Variants in GALNT13 observed in about 807,000 individuals in gnomAD.
GALNT13 encodes UDP-GalNAc:polypeptide N-acetylgalactosaminyltransferase 13.
In GALNT13, 28 loss-of-function variants were observed where a neutral mutation model predicts 64.2. The observed-to-expected ratio is 0.44, with a 90% CI of 0.32 to 0.60. GALNT13 has a LOEUF of 0.60. Among genes scored for constraint, GALNT13 ranks in the 20% least tolerant of loss-of-function variants. GALNT13 has a pLI of 0.05. For missense variants in GALNT13, 577 were observed against 669.8 expected, an observed-to-expected ratio of 0.86 and a Z score of 1.53; for synonymous variants, 214 against 224.6, an observed-to-expected ratio of 0.95 and a Z score of 0.42.
intron 8 of GALNT13, among the ~76,000 whole-genome samples, chr2:154,298,982 A>G (rs573617622): frequency 3.9e-4 from 56 of 144,442 alleles, no homozygotes; most frequent in Admixed American, 7.1e-4. Flanking sequence ...AAATTACATA[A>G]TTCATAATTC....
chr2:154,363,703 T>C (rs781126877), intron 9 of GALNT13, among the ~76,000 whole-genome samples: 1 of 152,210 alleles, frequency 6.6e-6, no homozygotes, highest in Non-Finnish European at 1.5e-5. Flanking sequence ...ATATAAAAGA[T>C]AAAGACTGGA....
At chr2:154,354,082 C>G (rs1696572740) in intron 9 of GALNT13, among the ~76,000 whole-genome samples, 1 of 152,146 alleles carries the variant, frequency 6.6e-6, no homozygotes, top group Admixed American at 6.5e-5. Flanking sequence ...TATCACTTGT[C>G]TCATTGATAA....
chr2:154,111,013 AAAATG>A (rs1202690700), intron 3 of GALNT13, among the ~76,000 whole-genome samples: 24 of 152,228 alleles, frequency 1.6e-4, no homozygotes, highest in African/African-American at 5.3e-4. Flanking sequence ...AAGGAGAAAG[AAAATG>A]AAATGAAGAT....
chr2:153,791,527 C>T, the GALNT13 span, among the ~76,000 whole-genome samples: 1 of 152,102 alleles, frequency 6.6e-6, no homozygotes, highest in African/African-American at 2.4e-5. Context: ...GGCAATCCCT[C>T]AAAGAGTTAA....
chr2:153,128,760 A>T, the GALNT13 span, among the ~76,000 whole-genome samples: 2 of 152,176 alleles, frequency 1.3e-5, no homozygotes, highest in Non-Finnish European at 2.9e-5. Flanking sequence ...AATTGGACTT[A>T]CAGTGCCACG....
chr2:153,913,149 G>A, intron 2 of GALNT13, among the ~76,000 whole-genome samples: 1 of 152,182 alleles, frequency 6.6e-6, no homozygotes, highest in Non-Finnish European at 1.5e-5. Context: ...GGCTGCCTAG[G>A]TTGTGGGCAA....
At chr2:154,108,419 C>T (rs140549655) in intron 3 of GALNT13, among the ~76,000 whole-genome samples, 1 of 151,996 alleles carries the variant, frequency 6.6e-6, no homozygotes, top group African/African-American at 2.4e-5. Context: ...TGTGAGATGT[C>T]AATTCAACTT....
the GALNT13 span, among the ~76,000 whole-genome samples, chr2:153,723,477 T>C: frequency 6.8e-6 from 1 of 147,834 alleles, no homozygotes; most frequent in Non-Finnish European, 1.5e-5. Context: ...GAGAAGGAAA[T>C]AAAGGGTATT....
chr2:154,303,499 A>G (rs1693562730), intron 9 of GALNT13, among the ~76,000 whole-genome samples: 1 of 152,154 alleles, frequency 6.6e-6, no homozygotes, highest in African/African-American at 2.4e-5. Flanking sequence ...GCTAGCATCT[A>G]TATCTGCAGT....
At chr2:153,126,638 A>G in the GALNT13 span, among the ~76,000 whole-genome samples, 1 of 152,086 alleles carries the variant, frequency 6.6e-6, no homozygotes. Flanking sequence ...TTTACCTTGC[A>G]AAAGTACGGC....
intron 3 of GALNT13, among the ~76,000 whole-genome samples, chr2:154,028,012 C>T (rs766360933): frequency 9.9e-5 from 15 of 151,998 alleles, no homozygotes; most frequent in Non-Finnish European, 1.8e-4. Flanking sequence ...CTTTTGCTCT[C>T]AAAAACAAGC....
chr2:153,947,112 A>C lies in GALNT13; in HGVS notation c.142+2473A>C, dbSNP rs1207350371. ...ATGTCTAAATTTTAAACAATTCCTA[A>C]GGACCCAATATTAACATACACTGTT... On this transcript the variant is annotated intron_variant, in intron 3 of 12. Coordinates refer to ENST00000392825, the MANE Select transcript of GALNT13 (RefSeq NM_052917.4). 2.0e-5 allele frequency among the ~76,000 whole-genome samples: 3 copies of C among 152,052 alleles called. No individual in the cohort carries two copies. In the East Asian group the frequency reaches 5.8e-4, roughly 29 times the overall value.
chr2:153,489,546 G>T, the GALNT13 span, among the ~76,000 whole-genome samples: 2 of 152,042 alleles, frequency 1.3e-5, no homozygotes, highest in African/African-American at 4.8e-5. Flanking sequence ...CTAACGCAAG[G>T]TTATATTTCA....
the GALNT13 span, among the ~76,000 whole-genome samples, chr2:153,247,805 C>A: frequency 6.6e-6 from 1 of 151,994 alleles, no homozygotes; most frequent in Non-Finnish European, 1.5e-5. Context: ...TAACAAAATA[C>A]ATAGACCACT....
chr2:153,753,808 C>A, the GALNT13 span, among the ~76,000 whole-genome samples: 5 of 152,292 alleles, frequency 3.3e-5, no homozygotes, highest in African/African-American at 1.2e-4. Context: ...GCTGTGAGGT[C>A]CTGCAGGACC....
intron 3 of GALNT13, among the ~76,000 whole-genome samples, chr2:153,964,446 C>T (rs755013807): frequency 1.4e-4 from 22 of 151,944 alleles, no homozygotes; most frequent in Non-Finnish European, 2.1e-4. Context: ...AAGACTCTGT[C>T]TCAAAGCAAA....
At chr2:153,972,619 A>T (rs1219876128) in intron 3 of GALNT13, among the ~76,000 whole-genome samples, 1 of 152,016 alleles carries the variant, frequency 6.6e-6, no homozygotes, top group Non-Finnish European at 1.5e-5. Context: ...ATTGGGGATG[A>T]TGTCATAATA....
chr2:153,620,110 T>A, the GALNT13 span, among the ~76,000 whole-genome samples: 1 of 152,044 alleles, frequency 6.6e-6, no homozygotes, highest in Admixed American at 6.6e-5. Flanking sequence ...GGCTATTTTT[T>A]AATATTCTGT....
At chr2:153,531,334 A>G in the GALNT13 span, among the ~76,000 whole-genome samples, 1 of 152,166 alleles carries the variant, frequency 6.6e-6, no homozygotes, top group East Asian at 1.9e-4. Context: ...GCAAAGTGTT[A>G]CATGGCTGGA....
Sources: gnomAD v4.1 joint callset for allele counts (sites outside exome capture counted in the v4.1 genomes callset) on GRCh38, gnomAD v4.1.1 for gene constraint, MANE v1.5 for transcripts, NCBI Gene and HGNC (gene_info 2026-07-23, HGNC 2026-07-21) for gene names.